FSTL4: variants seen among roughly 807,000 people sequenced by gnomAD.
FSTL4 encodes the protein follistatin-related protein 4.
Under a neutral mutation model 78.2 loss-of-function variants are expected in FSTL4, and 28 were observed. The observed-to-expected ratio is 0.36, with a 90% CI of 0.27 to 0.49. The LOEUF is 0.49. Among genes scored for constraint, FSTL4 ranks in the 20% least tolerant of loss-of-function variants. The probability of loss-of-function intolerance (pLI) is 0.98; values close to 1 mark genes in which losing one functional copy is unlikely to be tolerated. For missense variants in FSTL4, 922 were observed against 1,084.9 expected, an observed-to-expected ratio of 0.85 and a Z score of 2.11; for synonymous variants, 422 against 440.5, an observed-to-expected ratio of 0.96 and a Z score of 0.53.
At chr5:133,349,229 C>T (rs1330885193) in intron 4 of FSTL4, among the ~76,000 whole-genome samples, 1 of 151,854 alleles carries the variant, frequency 6.6e-6, no homozygotes, top group Admixed American at 6.6e-5. Flanking sequence ...GGGAAGAACA[C>T]CAAACACTCT....
At chr5:133,759,361 G>C in the FSTL4 span, among the ~76,000 whole-genome samples, 2 of 152,264 alleles carry the variant, frequency 1.3e-5, no homozygotes, top group East Asian at 3.9e-4. Flanking sequence ...AGCATAACTT[G>C]GCACAGCCCT....
chr5:133,210,515 G>A (rs1223922632), intron 13 of FSTL4, among the ~76,000 whole-genome samples: 2 of 151,022 alleles, frequency 1.3e-5, no homozygotes, highest in Admixed American at 6.6e-5. Context: ...TTTTTGAGAC[G>A]GAGTCTTGCT....
chr5:133,335,118 T>C (rs1754434749), intron 4 of FSTL4, among the ~76,000 whole-genome samples: 1 of 152,304 alleles, frequency 6.6e-6, no homozygotes, highest in South Asian at 2.1e-4. Context: ...CCTCCTCATG[T>C]TGAAGGCGTG....
chr5:133,399,928 C>T (rs1561702936), intron 4 of FSTL4, among the ~76,000 whole-genome samples: 1 of 152,350 alleles, frequency 6.6e-6, no homozygotes, highest in South Asian at 2.1e-4. Flanking sequence ...AATACTTCCA[C>T]AGGCCATGGC....
chr5:133,821,448 A>G, the FSTL4 span, among the ~76,000 whole-genome samples: 3,439 of 152,332 alleles, frequency 0.023, 59 homozygotes, highest in Non-Finnish European at 0.035. Flanking sequence ...GGACAATTCA[A>G]TTTACACCCA....
intron 3 of FSTL4, among the ~76,000 whole-genome samples, chr5:133,509,954 T>C (rs1580755044): frequency 6.6e-6 from 1 of 152,238 alleles, no homozygotes; most frequent in African/African-American, 2.4e-5. Context: ...GGGACAAACA[T>C]CTGGTTTCCG....
intron 3 of FSTL4, among the ~76,000 whole-genome samples, chr5:133,548,110 C>T (rs957726918): frequency 3.3e-5 from 5 of 152,262 alleles, no homozygotes; most frequent in African/African-American, 9.6e-5. Context: ...CTATGTATTT[C>T]TTCATTTGGC....
chr5:133,740,333 C>G, the FSTL4 span, among the ~76,000 whole-genome samples: 1 of 152,312 alleles, frequency 6.6e-6, no homozygotes, highest in Admixed American at 6.5e-5. Context: ...AGGCCTGCCC[C>G]TGGCCCCACA....
At chr5:133,389,833 T>C (rs1755799199) in intron 4 of FSTL4, among the ~76,000 whole-genome samples, 1 of 152,258 alleles carries the variant, frequency 6.6e-6, no homozygotes, top group Non-Finnish European at 1.5e-5. Context: ...TTGGGTTTAT[T>C]ATATTTTGAT....
intron 3 of FSTL4, among the ~76,000 whole-genome samples, chr5:133,479,692 G>A (rs1326718659): frequency 1.3e-5 from 2 of 152,262 alleles, no homozygotes; most frequent in East Asian, 3.9e-4. Flanking sequence ...GTGGGCATGG[G>A]GGTGCCTGGA....
chr5:133,668,064 A>G, the FSTL4 span, among the ~76,000 whole-genome samples: 1 of 152,232 alleles, frequency 6.6e-6, no homozygotes. Context: ...CTCTTGTGAC[A>G]GGACTAGCAG....
intron 3 of FSTL4, among the ~76,000 whole-genome samples, chr5:133,467,202 G>A (rs901666846): frequency 1.3e-5 from 2 of 151,352 alleles, no homozygotes; most frequent in African/African-American, 4.9e-5. Context: ...GTGAGTATAT[G>A]AGTGTGTGAG....
chr5:133,310,593 G>C (rs1037428843), intron 6 of FSTL4, among the ~76,000 whole-genome samples: 1 of 152,168 alleles, frequency 6.6e-6, no homozygotes, highest in African/African-American at 2.4e-5. Flanking sequence ...TATGGTACCA[G>C]GCACCAAGAT....
In FSTL4 at chr5:133,432,206, T is replaced by G. The variant is rs571918883; in HGVS notation, c.161-31220A>C. On this transcript the variant is annotated intron_variant, in intron 3 of 15. Coordinates refer to ENST00000265342, the MANE Select transcript of FSTL4 (RefSeq NM_015082.2). Reference sequence around the variant, plus strand: ...GAGGCTCAGAGAGGTTGTGATTTGTTGAAGTTCACACAGGTTAGTGAAGGA... The same window carrying G: ...GAGGCTCAGAGAGGTTGTGATTTGTGGAAGTTCACACAGGTTAGTGAAGGA... Among the ~76,000 whole-genome samples the G allele has an allele frequency of 6.6e-5, 10 of 152,304 alleles. No homozygotes were observed. The South Asian group carries it at 8.3e-4, about 13-fold the overall frequency.
chr5:133,288,646 G>T (rs183693007), intron 6 of FSTL4, among the ~76,000 whole-genome samples: 2 of 152,326 alleles, frequency 1.3e-5, no homozygotes, highest in East Asian at 3.9e-4. Flanking sequence ...GAGCCCCTTG[G>T]CCCTGGATGC....
At chr5:133,377,018 T>C (rs986825921) in intron 4 of FSTL4, among the ~76,000 whole-genome samples, 2 of 152,128 alleles carry the variant, frequency 1.3e-5, no homozygotes, top group Non-Finnish European at 2.9e-5. Flanking sequence ...TGGATGGAAG[T>C]GCCAAGGAGA....
At chr5:133,289,684 A>T (rs1477732486) in intron 6 of FSTL4, among the ~76,000 whole-genome samples, 1 of 152,272 alleles carries the variant, frequency 6.6e-6, no homozygotes, top group Non-Finnish European at 1.5e-5. Flanking sequence ...CTAGTCCTGC[A>T]GCCTGTCCTG....
chr5:133,545,573 G>A lies in FSTL4; in HGVS notation c.160+21613C>T, dbSNP rs146979539. Among the ~76,000 whole-genome samples the A allele has an allele frequency of 4.4e-3, 671 of 152,170 alleles. 2 individuals carry two copies. Among genetic ancestry groups the A allele is most frequent in the South Asian group, 5.6e-3 (27 of 4,824 alleles). ...CAAAACAAACCTCTTTTCTTTATAC[G>A]TTACCCACTATCAGGTATTTAGTTA... is the stretch of plus-strand genomic sequence containing the variant. On this transcript the variant is annotated intron_variant, in intron 3 of 15. Transcript: ENST00000265342.
At chr5:133,356,891 G>T (rs527634430) in intron 4 of FSTL4, among the ~76,000 whole-genome samples, 2 of 152,306 alleles carry the variant, frequency 1.3e-5, no homozygotes, top group South Asian at 4.1e-4. Flanking sequence ...CCCCTTCCCT[G>T]CCCATCAGGA....
Sources: allele counts gnomAD v4.1 joint callset (sites outside exome capture counted in the v4.1 genomes callset), GRCh38; gene constraint gnomAD v4.1.1; transcripts MANE v1.5; gene names NCBI Gene and HGNC (gene_info 2026-07-23, HGNC 2026-07-21).